The following TASOR variants were observed in gnomAD, a reference collection of about 807,000 sequenced individuals.
The protein encoded by TASOR is protein TASOR.
Under a neutral mutation model 178.6 loss-of-function variants are expected in TASOR, and 53 were observed. That is an observed-to-expected ratio of 0.30 (90% CI 0.24 to 0.37). The LOEUF is 0.37. Ranked by LOEUF, TASOR falls within the 10% of genes least tolerant of loss-of-function variation. TASOR has a pLI of 1.00. For synonymous variants in TASOR, 713 were observed against 696.2 expected (o/e 1.02, Z -0.38); for missense variants, 1,815 against 1,971.4 (o/e 0.92, Z 1.50).
At position 56,621,356 on chromosome 3, in the gene TASOR, G is replaced by C. The variant is rs1300690915; in HGVS notation, c.*1681C>G. The stretch of plus-strand genomic sequence containing the variant: ...GCTAAAAACAGAATCTTACAAATGT[G>C]ATAGCTATATATCCAAATGAGGTGG... On this transcript the variant is annotated 3_prime_UTR_variant, in exon 24 of 24. Coordinates refer to ENST00000683822, the MANE Select transcript of TASOR (RefSeq NM_001365635.2). The C allele has an allele frequency of 4.8e-6, 2 of 414,222 alleles. No homozygotes were observed. Among genetic ancestry groups the C allele is most frequent in the African/African-American group, 4.1e-5 (2 of 48,870 alleles). The allele number at this position is 414,222 out of a possible 1,614,324, so 25.7% of individuals were successfully genotyped here. A position where few individuals can be genotyped will look rare whatever the true frequency, so the allele number is the denominator to read the frequency against.
intron 1 of TASOR, among the ~76,000 whole-genome samples, chr3:56,677,386 A>C (rs943220967): frequency 2.0e-5 from 3 of 152,224 alleles, no homozygotes; most frequent in African/African-American, 7.2e-5. Context: ...TTAGTGGTTA[A>C]GTACCACCTT....
chr3:56,654,121 G>A (rs570221367), intron 11 of TASOR, among the ~76,000 whole-genome samples: 1 of 152,188 alleles, frequency 6.6e-6, no homozygotes, highest in South Asian at 2.1e-4. Context: ...ACAAAAATTA[G>A]CCAGGTGTCA....
chr3:56,633,551 A>G lies in TASOR; in HGVS notation c.3240T>C (p.Gly1080=). 6.2e-7 allele frequency: 1 copy of G among 1,614,136 alleles called. No homozygotes were observed. The highest frequency in any genetic ancestry group is 2.2e-5 in the East Asian group (1 of 44,894). ...SKAGVQEFVD[G]LHEKLNTIII... is the part of the protein sequence containing the mutation. ...TAATAGTATTTAGCTTCTCATGCAA[A>G]CCATCTACAAACTCCTGCACACCAG... The change falls in exon 18 of 24, where the codon GGT becomes GGC. Residue 1080 remains glycine, a synonymous_variant. Coordinates refer to ENST00000683822, the MANE Select transcript of TASOR (RefSeq NM_001365635.2).
intron 23 of TASOR, 101 bp from the exon 24 acceptor site, chr3:56,623,667 C>A: frequency 6.5e-7 from 1 of 1,541,250 alleles, no homozygotes; most frequent in South Asian, 1.3e-5. Context: ...TCAGGGTCTG[C>A]AAGTCCACAA....
At chr3:56,675,135 G>C (rs1224807733) in intron 1 of TASOR, among the ~76,000 whole-genome samples, 8 of 145,982 alleles carry the variant, frequency 5.5e-5, no homozygotes, top group East Asian at 2.1e-4. Flanking sequence ...GGACATTTAA[G>C]TTTTTATCCT....
At position 56,626,540 on chromosome 3, in the gene TASOR, C is replaced by T. The variant is rs190416319; in HGVS notation, c.4139+497G>A. Among the ~76,000 whole-genome samples, 436 of 152,018 alleles carry T rather than the reference C, an allele frequency of 2.9e-3. 6 individuals carry two copies. The highest frequency in any genetic ancestry group is 0.01 in the African/African-American group (421 of 41,456). On this transcript the variant is annotated intron_variant, in intron 21 of 23. Coordinates refer to ENST00000683822, the MANE Select transcript of TASOR (RefSeq NM_001365635.2). The stretch of plus-strand genomic sequence containing the variant: ...GGTGGATCACCTGAAGACAGGAGTT[C>T]GAGACCAGCCGGGCCAACACGGTGA...
intron 11 of TASOR, among the ~76,000 whole-genome samples, chr3:56,653,262 C>CAAAAAAAAAATAAAAAAAAAAAA (rs2077390247): frequency 2.0e-4 from 1 of 4,962 alleles, no homozygotes; most frequent in Non-Finnish European, 4.0e-4. Context: ...GACTCCATCT[C>CAAAAAAAAAATAAAAAAAAAAAA]AAAAAAAAAA....
chr3:56,666,145 G>C lies in TASOR; in HGVS notation c.1022+115C>G, dbSNP rs1405528242. 6.5e-6 allele frequency: 5 copies of C among 769,168 alleles called. No homozygotes were observed. In the African/African-American group the frequency reaches 1.2e-4, roughly 19 times the overall value. The allele number at this position is 769,168 out of a possible 1,614,324, so 47.6% of individuals were successfully genotyped here. On this transcript the variant is annotated intron_variant, in intron 7 of 23. Transcript: ENST00000683822. ...CACTTCAGTCTCCAACCAACTTCAA[G>C]GGAAGTTAAAAAAAAAAAAATGGGA...
intron 23 of TASOR, chr3:56,623,875 A>G (rs2076741802): frequency 1.3e-6 from 2 of 1,518,458 alleles, no homozygotes; most frequent in Non-Finnish European, 1.8e-6. Flanking sequence ...GTATTTGACA[A>G]GACAAATATA....
chr3:56,664,458 C>G (rs1209392826), intron 7 of TASOR: 1 of 152,162 alleles, frequency 6.6e-6, no homozygotes, highest in East Asian at 1.9e-4. Context: ...ATGAAAGCCA[C>G]AACTGTCTGG....
At chr3:56,653,539 A>T (rs1189991742) in intron 11 of TASOR, among the ~76,000 whole-genome samples, 1 of 152,034 alleles carries the variant, frequency 6.6e-6, no homozygotes, top group Non-Finnish European at 1.5e-5. Flanking sequence ...CCTAAACAAA[A>T]ATAGAAGCCA....
At chr3:56,641,826 A>C (rs1313292528) in intron 14 of TASOR, 74 bp from the exon 15 acceptor site, 2 of 1,432,496 alleles carry the variant, frequency 1.4e-6, no homozygotes, top group East Asian at 2.3e-5. Flanking sequence ...AAATATACCT[A>C]AAAAATTATC....
intron 1 of TASOR, among the ~76,000 whole-genome samples, chr3:56,682,087 A>G (rs1223112632): frequency 6.6e-6 from 1 of 152,248 alleles, no homozygotes; most frequent in Admixed American, 6.5e-5. Flanking sequence ...CGCTTCAAAA[A>G]CAAGGGGGAA....
In TASOR at chr3:56,624,887, T is replaced by C; in HGVS notation, c.4259A>G (p.Asp1420Gly). The C allele has an allele frequency of 6.2e-7, 1 of 1,614,176 alleles. No homozygotes were observed. The highest frequency in any genetic ancestry group is 8.5e-7 in the Non-Finnish European group (1 of 1,180,036). ...CTGAGCCTGAAGTCTGATAAGGCAA[T>C]CCAATTCTGGAGCATTTCGAGTTTG... ...DSQTRNAPEL[D>G]CLIRLQAQNI... The change falls in exon 22 of 24, where the codon GAT (aspartate) becomes GGT (glycine). Residue 1420 changes from aspartate (D) to glycine (G), a missense_variant. Physicochemically the swap from Asp to Gly is moderately conservative, Grantham distance 94. Coordinates refer to ENST00000683822, the MANE Select transcript of TASOR (RefSeq NM_001365635.2).
chr3:56,647,334 G>T, intron 13 of TASOR, 111 bp from the exon 14 acceptor site: 2 of 827,210 alleles, frequency 2.4e-6, no homozygotes, highest in Non-Finnish European at 3.6e-6. Flanking sequence ...ATACATTAAT[G>T]TTGAACCAGA....
chr3:56,657,071 T>G (rs1036490061), intron 11 of TASOR, among the ~76,000 whole-genome samples: 1 of 151,460 alleles, frequency 6.6e-6, no homozygotes, highest in African/African-American at 2.4e-5. Context: ...GGCTCACGCC[T>G]GTAATCTCAG....
intron 9 of TASOR, 104 bp downstream of exon 9, chr3:56,662,281 T>A: frequency 1.5e-6 from 1 of 687,226 alleles, no homozygotes; most frequent in East Asian, 2.8e-5. Context: ...ATATTGAAGT[T>A]CTTATGAACC....
In TASOR at chr3:56,623,026, A is replaced by G. The variant is rs751833714; in HGVS notation, c.*11T>C. Reference sequence around the variant, plus strand: ...GTCCACAACAATCTCTTAAAAAAAAAGTTACTACAGTTATTTCTCTTGTGA... The same window carrying G: ...GTCCACAACAATCTCTTAAAAAAAAGGTTACTACAGTTATTTCTCTTGTGA... On this transcript the variant is annotated 3_prime_UTR_variant, in exon 24 of 24. Transcript: ENST00000683822. The G allele has an allele frequency of 6.7e-6, 10 of 1,487,286 alleles. No individual in the cohort carries two copies. The South Asian group carries it at 1.3e-4, about 20-fold the overall frequency. The allele number at this position is 1,487,286 out of a possible 1,614,324, so 92.1% of individuals were successfully genotyped here. A position where few individuals can be genotyped will look rare whatever the true frequency, so the allele number is the denominator to read the frequency against.
At chr3:56,630,989 C>A (rs991608066) in intron 18 of TASOR, among the ~76,000 whole-genome samples, 1 of 152,024 alleles carries the variant, frequency 6.6e-6, no homozygotes, top group South Asian at 2.1e-4. Flanking sequence ...TGTGCCCAAC[C>A]TATTCTCTCA....
Sources: allele counts gnomAD v4.1 joint callset (sites outside exome capture counted in the v4.1 genomes callset), GRCh38; gene constraint gnomAD v4.1.1; transcripts MANE v1.5; gene names NCBI Gene and HGNC (gene_info 2026-07-23, HGNC 2026-07-21).